MRPS35: variants seen among roughly 807,000 people sequenced by gnomAD.
MRPS35 encodes the protein mitochondrial ribosomal protein S35, also known as small ribosomal subunit protein mS35.
Under a neutral mutation model 32.7 loss-of-function variants are expected in MRPS35, and 29 were observed. That is an observed-to-expected ratio of 0.89 (90% CI 0.66 to 1.21). The LOEUF is 1.21. MRPS35 is among the 50% of genes most tolerant of loss of function. The pLI, the probability that MRPS35 is intolerant of heterozygous loss-of-function variation, is 0.00. For missense variants in MRPS35, 373 were observed against 383.8 expected, an observed-to-expected ratio of 0.97 and a Z score of 0.23; for synonymous variants, 148 against 139.3, an observed-to-expected ratio of 1.06 and a Z score of -0.44.
chr12:27,734,429 A>C lies in MRPS35; in HGVS notation c.523-1018A>C, dbSNP rs1210804629. On this transcript the variant is annotated intron_variant, in intron 5 of 7. Coordinates refer to ENST00000081029, the MANE Select transcript of MRPS35 (RefSeq NM_021821.4). Reference sequence around the variant, plus strand: ...GGCTAATTTTGTATTTTTAGTAGAGATGGGTATCTCCGTGTTGGTCAGGCT... The same window carrying C: ...GGCTAATTTTGTATTTTTAGTAGAGCTGGGTATCTCCGTGTTGGTCAGGCT... Among the ~76,000 whole-genome samples, 5 of 152,046 alleles carry C rather than the reference A, an allele frequency of 3.3e-5. No individual in the cohort carries two copies. In the East Asian group the frequency reaches 5.8e-4, roughly 18 times the overall value.
intron 7 of MRPS35, among the ~76,000 whole-genome samples, chr12:27,749,063 A>T (rs2061991048): frequency 6.6e-6 from 1 of 152,302 alleles, no homozygotes; most frequent in African/African-American, 2.4e-5. Context: ...GCAGGGTTTT[A>T]AAAAACGGAT....
At chr12:27,749,258 C>A (rs1041331219) in intron 7 of MRPS35, among the ~76,000 whole-genome samples, 2 of 151,816 alleles carry the variant, frequency 1.3e-5, no homozygotes, top group Admixed American at 6.6e-5. Flanking sequence ...TTAGTATTAA[C>A]CTCCTATTTT....
intron 7 of MRPS35, among the ~76,000 whole-genome samples, chr12:27,743,033 T>C (rs1394569671): frequency 2.0e-5 from 3 of 151,690 alleles, no homozygotes; most frequent in African/African-American, 7.3e-5. Context: ...GCTAATTTTT[T>C]TATTTTTTGT....
intron 5 of MRPS35, among the ~76,000 whole-genome samples, chr12:27,733,860 A>G (rs2061931964): frequency 6.6e-6 from 1 of 152,240 alleles, no homozygotes; most frequent in East Asian, 1.9e-4. Flanking sequence ...TTCAAATACA[A>G]AATACAAAAA....
intron 7 of MRPS35, among the ~76,000 whole-genome samples, chr12:27,742,330 A>G (rs1443679700): frequency 2.0e-5 from 3 of 152,162 alleles, no homozygotes; most frequent in South Asian, 2.1e-4. Flanking sequence ...TTCAACAACT[A>G]TTTAGTTCTT....
intron 7 of MRPS35, among the ~76,000 whole-genome samples, chr12:27,741,561 G>A (rs1402361777): frequency 6.6e-6 from 1 of 152,122 alleles, no homozygotes; most frequent in African/African-American, 2.4e-5. Context: ...ATTTGGCAGA[G>A]TTTGTACAAG....
chr12:27,737,656 A>G, intron 7 of MRPS35, 48 bp downstream of exon 7: 4 of 1,441,644 alleles, frequency 2.8e-6, no homozygotes, highest in Non-Finnish European at 3.9e-6. Flanking sequence ...AATTTAGATG[A>G]TGTTAACCTT....
At chr12:27,719,722 C>A in intron 3 of MRPS35, 86 bp from the exon 4 acceptor site, 1 of 790,182 alleles carries the variant, frequency 1.3e-6, no homozygotes, top group Non-Finnish European at 2.1e-6. Context: ...TTTTATTGGG[C>A]CTGTGATTTA....
chr12:27,751,599 G>C (rs983817677), intron 7 of MRPS35, among the ~76,000 whole-genome samples: 1 of 152,170 alleles, frequency 6.6e-6, no homozygotes, highest in African/African-American at 2.4e-5. Context: ...CCTGCCTTCA[G>C]GGTCAGCAGC....
intron 7 of MRPS35, among the ~76,000 whole-genome samples, chr12:27,749,771 T>G (rs951693403): frequency 2.0e-5 from 3 of 152,210 alleles, no homozygotes; most frequent in African/African-American, 7.2e-5. Flanking sequence ...TTATGTAATG[T>G]TTACTATGAG....
At chr12:27,726,731 TC>T (rs1178678976) in intron 5 of MRPS35, among the ~76,000 whole-genome samples, 1 of 152,136 alleles carries the variant, frequency 6.6e-6, no homozygotes, top group African/African-American at 2.4e-5. Context: ...GATTTGTGTC[TC>T]CCTAATAACC....
At chr12:27,730,248 A>G (rs12827504) in intron 5 of MRPS35, among the ~76,000 whole-genome samples, 21,360 of 152,124 alleles carry the variant, frequency 0.14, 1,567 homozygotes, top group East Asian at 0.18. Flanking sequence ...ACATTTAGTC[A>G]TCATAATTTC....
chr12:27,734,698 G>A (rs544008956), intron 5 of MRPS35, among the ~76,000 whole-genome samples: 3 of 152,138 alleles, frequency 2.0e-5, no homozygotes, highest in Non-Finnish European at 4.4e-5. Context: ...AGTGGAATCT[G>A]ACGTCAAATA....
chr12:27,727,529 C>T (rs935507790), intron 5 of MRPS35, among the ~76,000 whole-genome samples: 1 of 152,024 alleles, frequency 6.6e-6, no homozygotes, highest in African/African-American at 2.4e-5. Flanking sequence ...GGCTGTACCA[C>T]CTAGGATTGT....
intron 5 of MRPS35, among the ~76,000 whole-genome samples, chr12:27,730,411 A>G (rs957402628): frequency 1.3e-5 from 2 of 152,182 alleles, no homozygotes; most frequent in Admixed American, 1.3e-4. Context: ...TGCCATTCTC[A>G]TCACATCATA....
chr12:27,740,657 C>T (rs2061961045), intron 7 of MRPS35, among the ~76,000 whole-genome samples: 1 of 152,184 alleles, frequency 6.6e-6, no homozygotes, highest in Non-Finnish European at 1.5e-5. Flanking sequence ...GCTTGTAGTA[C>T]TGAAATCCCT....
chr12:27,736,271 G>A (rs2061942784), intron 6 of MRPS35, among the ~76,000 whole-genome samples: 1 of 152,166 alleles, frequency 6.6e-6, no homozygotes, highest in Admixed American at 6.5e-5. Context: ...TTGCAGTGGT[G>A]GGAAGAAGGA....
intron 4 of MRPS35, among the ~76,000 whole-genome samples, chr12:27,722,109 A>G (rs145525870): frequency 6.8e-4 from 103 of 152,304 alleles, no homozygotes; most frequent in African/African-American, 2.1e-3. Flanking sequence ...ATTTTATAGT[A>G]TTTAAATGAG....
chr12:27,726,400 G>A (rs1210912172), intron 5 of MRPS35, among the ~76,000 whole-genome samples: 1 of 151,780 alleles, frequency 6.6e-6, no homozygotes, highest in Non-Finnish European at 1.5e-5. Context: ...TCATTAATTG[G>A]TGGACATTTG....
Sources: gnomAD v4.1 joint callset for allele counts (sites outside exome capture counted in the v4.1 genomes callset) on GRCh38, gnomAD v4.1.1 for gene constraint, MANE v1.5 for transcripts, NCBI Gene and HGNC (gene_info 2026-07-23, HGNC 2026-07-21) for gene names.